Variants in CNTLN observed in about 807,000 individuals in gnomAD.
CNTLN encodes centlein, also known as centlein, centrosomal protein.
CNTLN carries 212 observed loss-of-function variants against 180.0 expected under a neutral mutation model. The observed-to-expected ratio is 1.18, with a 90% confidence interval of 1.05 to 1.32. The LOEUF (loss-of-function observed/expected upper bound fraction) is 1.32. Ranked by LOEUF, CNTLN falls within the 40% of genes most tolerant of loss-of-function variation. The pLI is 0.00. For synonymous variants in CNTLN, 722 were observed against 563.1 expected (o/e 1.28, Z -3.99); for missense variants, 2,095 against 1,610.9 (o/e 1.30, Z -5.14).
At chr9:17,350,147 G>A (rs1349601028) in intron 12 of CNTLN, among the ~76,000 whole-genome samples, 1 of 152,186 alleles carries the variant, frequency 6.6e-6, no homozygotes, top group East Asian at 1.9e-4. Flanking sequence ...TTTCAGAATG[G>A]TGATATAAAA....
intron 8 of CNTLN, among the ~76,000 whole-genome samples, chr9:17,313,573 G>A (rs573723575): frequency 6.6e-5 from 10 of 151,960 alleles, no homozygotes; most frequent in South Asian, 2.1e-4. Context: ...TTGACTCTTA[G>A]CATTTAAACT....
At chr9:17,235,102 C>T (rs1029307819) in intron 3 of CNTLN, among the ~76,000 whole-genome samples, 5 of 152,112 alleles carry the variant, frequency 3.3e-5, no homozygotes, top group East Asian at 1.9e-4. Flanking sequence ...ACATCCACCT[C>T]GTAGGTGTAA....
chr9:17,215,059 AG>A (rs1415607196), intron 2 of CNTLN, among the ~76,000 whole-genome samples: 3 of 152,214 alleles, frequency 2.0e-5, no homozygotes, highest in Admixed American at 1.3e-4. Flanking sequence ...AACTCGTTAA[AG>A]TGATTCTCCA....
chr9:17,441,107 G>C (rs1830083267), intron 18 of CNTLN, among the ~76,000 whole-genome samples: 1 of 152,174 alleles, frequency 6.6e-6, no homozygotes, highest in Non-Finnish European at 1.5e-5. Context: ...AGAATATTAT[G>C]TCTGGCAAAA....
intron 2 of CNTLN, among the ~76,000 whole-genome samples, chr9:17,218,122 C>T (rs919389673): frequency 3.9e-5 from 6 of 152,054 alleles, no homozygotes; most frequent in Admixed American, 2.0e-4. Flanking sequence ...CCAACTTCTC[C>T]AGCACAAGTT....
At chr9:17,142,083 G>GA (rs1180057903) in intron 1 of CNTLN, among the ~76,000 whole-genome samples, 989 of 57,644 alleles carry the variant, frequency 0.017, 6 homozygotes, top group African/African-American at 0.048. Context: ...CTCTGTCTCA[G>GA]AAAAAAAAAA....
the CNTLN span, among the ~76,000 whole-genome samples, chr9:17,525,559 G>A: frequency 1.3e-5 from 2 of 152,066 alleles, no homozygotes; most frequent in Non-Finnish European, 2.9e-5. Flanking sequence ...ATTGGTTTGC[G>A]AGTTAAATGA....
chr9:17,220,650 A>G (rs1223501788), intron 2 of CNTLN, among the ~76,000 whole-genome samples: 2 of 152,164 alleles, frequency 1.3e-5, no homozygotes, highest in Non-Finnish European at 2.9e-5. Flanking sequence ...ATGGGTTCTC[A>G]TCATTTAGCT....
intron 8 of CNTLN, among the ~76,000 whole-genome samples, chr9:17,312,001 A>G (rs901281592): frequency 6.9e-5 from 5 of 72,552 alleles, no homozygotes; most frequent in Non-Finnish European, 1.7e-4. Context: ...AAAATAGTCA[A>G]TAGAACAAAG....
In CNTLN at chr9:17,386,317, A is replaced by G. The variant is rs141894367; in HGVS notation, c.1988-1845A>G. On this transcript the variant is annotated intron_variant, in intron 13 of 25. Transcript: ENST00000380647. ...TATGAATAAGCAAAATTAAAGGTTA[A>G]TGAGAAAAAGAAAAAATGGAGAGAA... 3.4e-3 allele frequency among the ~76,000 whole-genome samples: 512 copies of G among 152,218 alleles called. 5 individuals carry two copies. The highest frequency in any genetic ancestry group is 0.011 in the African/African-American group (477 of 41,576).
intron 16 of CNTLN, among the ~76,000 whole-genome samples, chr9:17,410,711 G>T (rs1328663652): frequency 1.3e-5 from 2 of 151,976 alleles, no homozygotes; most frequent in African/African-American, 4.8e-5. Flanking sequence ...TCAATGTCTA[G>T]CATTGATTTT....
At chr9:17,424,173 T>C (rs1828923984) in intron 18 of CNTLN, among the ~76,000 whole-genome samples, 1 of 152,218 alleles carries the variant, frequency 6.6e-6, no homozygotes, top group Non-Finnish European at 1.5e-5. Flanking sequence ...TTCTTAAAAT[T>C]TGTTTCTGAT....
chr9:17,191,731 C>G (rs2131811932), intron 2 of CNTLN, among the ~76,000 whole-genome samples: 1 of 151,816 alleles, frequency 6.6e-6, no homozygotes, highest in South Asian at 2.1e-4. Context: ...TACAAATAAT[C>G]TGAAAATATG....
intron 6 of CNTLN, among the ~76,000 whole-genome samples, chr9:17,289,214 A>C (rs1224546518): frequency 1.8e-5 from 2 of 113,464 alleles, no homozygotes; most frequent in East Asian, 4.8e-4. Context: ...GTGGTGACAA[A>C]ATCTCTCAGC....
chr9:17,471,492 G>T (rs932777745), intron 23 of CNTLN, among the ~76,000 whole-genome samples: 2 of 152,032 alleles, frequency 1.3e-5, no homozygotes, highest in East Asian at 1.9e-4. Flanking sequence ...TCAGATATTG[G>T]GATAATTCCT....
intron 6 of CNTLN, among the ~76,000 whole-genome samples, chr9:17,278,410 T>C (rs572057375): frequency 6.6e-6 from 1 of 150,782 alleles, no homozygotes; most frequent in African/African-American, 2.5e-5. Context: ...TAAGAAGAAT[T>C]GACATCTTTA....
At chr9:17,184,789 A>T (rs1330199967) in intron 2 of CNTLN, among the ~76,000 whole-genome samples, 1 of 152,186 alleles carries the variant, frequency 6.6e-6, no homozygotes, top group African/African-American at 2.4e-5. Flanking sequence ...TGAAATGAAC[A>T]CGTCTTTATT....
At chr9:17,455,678 C>CA (rs1564121350) in intron 18 of CNTLN, among the ~76,000 whole-genome samples, 1 of 151,778 alleles carries the variant, frequency 6.6e-6, no homozygotes. Context: ...AAAGAAACAC[C>CA]ACGTGTAGAG....
the CNTLN span, among the ~76,000 whole-genome samples, chr9:17,524,170 T>A: frequency 6.6e-6 from 1 of 152,232 alleles, no homozygotes; most frequent in Admixed American, 6.5e-5. Flanking sequence ...TGTTTATATG[T>A]ATGTGCATAC....
Sources: allele counts gnomAD v4.1 joint callset (sites outside exome capture counted in the v4.1 genomes callset), GRCh38; gene constraint gnomAD v4.1.1; transcripts MANE v1.5; gene names NCBI Gene and HGNC (gene_info 2026-07-23, HGNC 2026-07-21).